Variants in KIAA0930 observed in about 807,000 individuals in gnomAD.
The protein encoded by KIAA0930 is uncharacterized protein KIAA0930.
In KIAA0930, 24 loss-of-function variants were observed where a neutral mutation model predicts 43.9. That is an observed-to-expected ratio of 0.55 (90% confidence interval 0.40 to 0.77). The LOEUF (loss-of-function observed/expected upper bound fraction) is 0.77, where lower values mean the gene tolerates loss of function less well. KIAA0930 is among the 30% of genes least tolerant of loss of function. KIAA0930 has a pLI of 0.00. For synonymous variants in KIAA0930, 259 were observed against 216.4 expected (o/e 1.20, Z -1.73); for missense variants, 461 against 574.2 (o/e 0.80, Z 2.02).
intron 6 of KIAA0930, 22 bp downstream of exon 6, chr22:45,203,823 C>A: frequency 6.2e-7 from 1 of 1,611,608 alleles, no homozygotes; most frequent in Non-Finnish European, 8.5e-7. Context: ...GAAGAACACC[C>A]GTGAGGCCGC....
chr22:45,212,300 C>CAAA, intron 1 of KIAA0930, 193 bp from the exon 2 acceptor site: 1 of 1,612,958 alleles, frequency 6.2e-7, no homozygotes, highest in South Asian at 1.1e-5. Flanking sequence ...GGACACCTCC[C>CAAA]AGGAGGCCCA....
intron 2 of KIAA0930, chr22:45,211,272 G>A (rs966034995): frequency 7.6e-6 from 3 of 397,220 alleles, no homozygotes; most frequent in Middle Eastern, 1.3e-3. Flanking sequence ...TTCCATGTCT[G>A]GCATATGGAG....
At chr22:45,220,623 C>G (rs1172758811) in intron 1 of KIAA0930, among the ~76,000 whole-genome samples, 1 of 152,026 alleles carries the variant, frequency 6.6e-6, no homozygotes, top group Non-Finnish European at 1.5e-5. Flanking sequence ...TCTATGTCAC[C>G]CAGGCTGGAG....
intron 2 of KIAA0930, among the ~76,000 whole-genome samples, chr22:45,209,299 C>T (rs1275063427): frequency 1.4e-5 from 2 of 145,852 alleles, no homozygotes; most frequent in Non-Finnish European, 1.5e-5. Flanking sequence ...CCACCTCCAC[C>T]GAGCGCTCAG....
intron 1 of KIAA0930, among the ~76,000 whole-genome samples, chr22:45,233,377 C>T (rs886433152): frequency 6.6e-6 from 1 of 152,014 alleles, no homozygotes; most frequent in Non-Finnish European, 1.5e-5. Flanking sequence ...TCAAGTGGAA[C>T]GGGTAAGCAC....
At chr22:45,203,274 T>TC (rs1178329441) in intron 6 of KIAA0930, 90 bp from the exon 7 acceptor site, 1 of 1,345,048 alleles carries the variant, frequency 7.4e-7, no homozygotes, top group Non-Finnish European at 1.0e-6. Flanking sequence ...AGGGCGACCA[T>TC]CCCTCAAGGA....
Position 45,197,932 on chromosome 22 carries a change from T to G in KIAA0930, c.1032A>C (p.Ala344=). 1.2e-6 allele frequency: 2 copies of G among 1,614,028 alleles called. No individual in the cohort carries two copies. The highest frequency in any genetic ancestry group is 2.2e-5 in the East Asian group (1 of 44,872). Reference sequence around the variant, plus strand: ...ACAGGGACCGAGACCGCAGGTTGGTTGCATTGTGCAGATCGGCTGGAGGAA... The same window carrying G: ...ACAGGGACCGAGACCGCAGGTTGGTGGCATTGTGCAGATCGGCTGGAGGAA... ...EDDGGADLHN[A]TNLRSRSLSG... Residue 344 remains alanine (A), a synonymous_variant, in exon 9 of 10, where the codon GCA becomes GCC. Coordinates refer to ENST00000336156, the MANE Select transcript of KIAA0930 (RefSeq NM_001009880.2).
chr22:45,228,384 T>C (rs535418550), intron 1 of KIAA0930, among the ~76,000 whole-genome samples: 1 of 152,124 alleles, frequency 6.6e-6, no homozygotes, highest in South Asian at 2.1e-4. Flanking sequence ...CCCTAATTCA[T>C]AAAAGGAAAC....
At chr22:45,202,661 G>A (rs1238308372) in intron 7 of KIAA0930, 2 of 234,326 alleles carry the variant, frequency 8.5e-6, no homozygotes, top group East Asian at 9.2e-5. Flanking sequence ...TCTGCCCACT[G>A]GCTCTGTGGA....
At chr22:45,238,324 AATGTTT>A (rs2083898875) in intron 1 of KIAA0930, among the ~76,000 whole-genome samples, 1 of 152,154 alleles carries the variant, frequency 6.6e-6, no homozygotes, top group Non-Finnish European at 1.5e-5. Flanking sequence ...TTGTTCACTA[AATGTTT>A]ACTGGGCACC....
rs541102269 is a variant in KIAA0930, at chr22:45,193,019, C to G, written c.*4157G>C. 6.6e-6 allele frequency: 1 copy of G among 152,236 alleles called. No individual in the cohort carries two copies. Among genetic ancestry groups the G allele is most frequent in the Non-Finnish European group, 1.5e-5 (1 of 68,066 alleles). 9.4% of individuals were successfully genotyped at this position (152,236 alleles called of 1,614,324 possible). A position where few individuals can be genotyped will look rare whatever the true frequency, so the allele number is the denominator to read the frequency against. On this transcript the variant is annotated 3_prime_UTR_variant, in exon 10 of 10. Transcript: ENST00000336156. The stretch of plus-strand genomic sequence containing the variant: ...CCACTGCTGAAGAGCTGCTCTCCCT[C>G]GAAGGGCAGTGGCTGCCCCCTCCAG...
In KIAA0930 at chr22:45,192,298, T is replaced by C. The variant is rs570040033; in HGVS notation, c.*4878A>G. On this transcript the variant is annotated 3_prime_UTR_variant, in exon 10 of 10. Transcript: ENST00000336156. ...TGCAAAACAACCTTTAAAAGAAACA[T>C]GAAATCATAAAGCAAAGCTAACAGC... The C allele has an allele frequency of 9.9e-5, 15 of 152,100 alleles. No homozygotes were observed. The highest frequency in any genetic ancestry group is 3.6e-4 in the African/African-American group (15 of 41,464). The allele number at this position is 152,100 out of a possible 1,614,324, so 9.4% of individuals were successfully genotyped here. A position where few individuals can be genotyped will look rare whatever the true frequency, so the allele number is the denominator to read the frequency against.
chr22:45,210,520 C>T lies in KIAA0930; in HGVS notation c.216+1436G>A, dbSNP rs558099328. On this transcript the variant is annotated intron_variant, in intron 2 of 9. Coordinates refer to ENST00000336156, the MANE Select transcript of KIAA0930 (RefSeq NM_001009880.2). Reference sequence around the variant, plus strand: ...CCAGAATGGGAGGGCCCTCACCTTTCGGGGCACCTGCCCTGATCCCCTTTT... The same window carrying T: ...CCAGAATGGGAGGGCCCTCACCTTTTGGGGCACCTGCCCTGATCCCCTTTT... 2.4e-3 allele frequency among the ~76,000 whole-genome samples: 360 copies of T among 152,304 alleles called. 1 individual carries two copies. Among genetic ancestry groups the T allele is most frequent in the African/African-American group, 8.0e-3 (332 of 41,564 alleles).
At chr22:45,240,338 G>A (rs2083909209) in intron 1 of KIAA0930, among the ~76,000 whole-genome samples, 1 of 152,248 alleles carries the variant, frequency 6.6e-6, no homozygotes, top group Non-Finnish European at 1.5e-5. Flanking sequence ...GACCCGCAGA[G>A]ACACGAAGAA....
chr22:45,211,861 T>A, intron 2 of KIAA0930, 95 bp downstream of exon 2: 2 of 1,242,354 alleles, frequency 1.6e-6, no homozygotes, highest in Admixed American at 4.0e-5. Flanking sequence ...TTGATATGCA[T>A]GAGCACTGTA....
intron 1 of KIAA0930, among the ~76,000 whole-genome samples, chr22:45,233,240 C>T (rs2083865543): frequency 6.6e-6 from 1 of 152,126 alleles, no homozygotes; most frequent in Admixed American, 6.5e-5. Context: ...CACTCAGATG[C>T]CCAGGTCGGG....
intron 1 of KIAA0930, among the ~76,000 whole-genome samples, chr22:45,214,539 C>T (rs2083719453): frequency 6.6e-6 from 1 of 152,192 alleles, no homozygotes. Context: ...TGACTTAAAG[C>T]AGGAGGGTGG....
At chr22:45,211,755 T>C (rs539215602) in intron 2 of KIAA0930, among the ~76,000 whole-genome samples, 5 of 152,208 alleles carry the variant, frequency 3.3e-5, no homozygotes, top group African/African-American at 4.8e-5. Flanking sequence ...TGAATGACAA[T>C]GTGTACAGAC....
intron 1 of KIAA0930, among the ~76,000 whole-genome samples, chr22:45,230,221 G>T (rs895418443): frequency 3.3e-5 from 5 of 152,186 alleles, no homozygotes; most frequent in African/African-American, 1.2e-4. Flanking sequence ...GAGTGCAGGG[G>T]AGAGCAGACA....
Sources: allele counts gnomAD v4.1 joint callset (sites outside exome capture counted in the v4.1 genomes callset), GRCh38; gene constraint gnomAD v4.1.1; transcripts MANE v1.5; gene names NCBI Gene and HGNC (gene_info 2026-07-23, HGNC 2026-07-21).